The following GNG2 variants were observed in gnomAD, a reference collection of about 807,000 sequenced individuals.
The protein encoded by GNG2 is guanine nucleotide-binding protein G(I)/G(S)/G(O) subunit gamma-2.
GNG2 carries 5 observed loss-of-function variants against 5.5 expected under a neutral mutation model. That is an observed-to-expected ratio of 0.91 (90% CI 0.48 to 1.92). GNG2 has a LOEUF of 1.92. Among genes scored for constraint, GNG2 ranks in the 30% most tolerant of loss-of-function variants. The pLI, the probability that GNG2 is intolerant of heterozygous loss-of-function variation, is 0.01. For synonymous variants in GNG2, 28 were observed against 32.0 expected, an observed-to-expected ratio of 0.88 and a Z score of 0.42; for missense variants, 55 against 88.4, an observed-to-expected ratio of 0.62 and a Z score of 1.52.
intron 2 of GNG2, among the ~76,000 whole-genome samples, chr14:51,841,036 A>G (rs1202736318): frequency 6.6e-6 from 1 of 152,190 alleles, no homozygotes; most frequent in Admixed American, 6.5e-5. Context: ...GTGACCACAA[A>G]TGCATAATAT....
Position 51,866,176 on chromosome 14 carries a change from T to A in GNG2, c.-71+5386T>A, listed in dbSNP as rs10151619. Among the ~76,000 whole-genome samples the A allele has an allele frequency of 3.7e-3, 565 of 152,284 alleles. 2 individuals are homozygous for A. The highest frequency in any genetic ancestry group is 0.013 in the African/African-American group (541 of 41,566). The stretch of plus-strand genomic sequence containing the variant: ...CCTTGCTCCCTGGCCAGCCCGGGTG[T>A]GGGGTCAGGCATTCCCCTGATCCTC... On this transcript the variant is annotated intron_variant, in intron 1 of 3. Transcript: ENST00000556766.
At chr14:51,940,686 A>C (rs1272523520) in intron 2 of GNG2, among the ~76,000 whole-genome samples, 1 of 152,204 alleles carries the variant, frequency 6.6e-6, no homozygotes, top group Admixed American at 6.5e-5. Flanking sequence ...AGAGAAAAGC[A>C]GTAAGTGTCC....
rs76605251 is a variant in GNG2, at chr14:51,933,066, G to T, written c.-29-17584G>T. Among the ~76,000 whole-genome samples, 512 of 152,304 alleles carry T rather than the reference G, an allele frequency of 3.4e-3. 2 individuals carry two copies. The highest frequency in any genetic ancestry group is 7.3e-3 in the African/African-American group (302 of 41,566). ...TCAGAAGCTGGAAGAGGCAAGAAAT[G>T]GACTCTTCCCTAGAGCCTCTGGCAG... On this transcript the variant is annotated intron_variant, in intron 2 of 3. Coordinates refer to ENST00000556766, the MANE Select transcript of GNG2 (RefSeq NM_053064.5).
chr14:51,954,640 G>A (rs2140292179), intron 3 of GNG2, among the ~76,000 whole-genome samples: 1 of 152,324 alleles, frequency 6.6e-6, no homozygotes, highest in African/African-American at 2.4e-5. Context: ...GGCAGTGGAA[G>A]TGAGAACTGG....
At chr14:51,838,994 G>C (rs1004508805) in intron 2 of GNG2, among the ~76,000 whole-genome samples, 5 of 152,180 alleles carry the variant, frequency 3.3e-5, no homozygotes, top group African/African-American at 1.2e-4. Context: ...AGTGTGCTAA[G>C]TCAAATAACT....
chr14:51,953,289 T>G (rs1889093705), intron 3 of GNG2, among the ~76,000 whole-genome samples: 1 of 152,186 alleles, frequency 6.6e-6, no homozygotes, highest in Non-Finnish European at 1.5e-5. Context: ...GCTTGTTAGG[T>G]TCTAAAGAGA....
chr14:51,965,934 C>G (rs1481311251), intron 3 of GNG2, among the ~76,000 whole-genome samples: 1 of 152,010 alleles, frequency 6.6e-6, no homozygotes, highest in East Asian at 1.9e-4. Flanking sequence ...GAGGGCCGGG[C>G]ACAGTGGCTC....
intron 2 of GNG2, among the ~76,000 whole-genome samples, chr14:51,928,474 A>T (rs574686484): frequency 6.6e-6 from 1 of 152,342 alleles, no homozygotes; most frequent in African/African-American, 2.4e-5. Context: ...AACTGGCATC[A>T]GAGCAGCCTG....
intron 3 of GNG2, among the ~76,000 whole-genome samples, chr14:51,953,541 C>T (rs1594956099): frequency 6.6e-6 from 1 of 152,172 alleles, no homozygotes; most frequent in African/African-American, 2.4e-5. Context: ...TAGTTGCCTT[C>T]CTAGGTGATC....
intron 2 of GNG2, among the ~76,000 whole-genome samples, chr14:51,889,109 CTTTTTTTTTTT>C (rs1173479215): frequency 2.5e-5 from 3 of 118,938 alleles, no homozygotes; most frequent in African/African-American, 6.2e-5. Context: ...TGGGTTTGCG[CTTTTTTTTTTT>C]TTTTTTTTTT....
chr14:51,840,656 T>C (rs1468457355), intron 2 of GNG2, among the ~76,000 whole-genome samples: 1 of 152,246 alleles, frequency 6.6e-6, no homozygotes, highest in African/African-American at 2.4e-5. Flanking sequence ...TAAGGTGGTT[T>C]TGGACTCAGT....
At chr14:51,960,002 T>C (rs1889499438) in intron 3 of GNG2, among the ~76,000 whole-genome samples, 1 of 152,158 alleles carries the variant, frequency 6.6e-6, no homozygotes, top group South Asian at 2.1e-4. Flanking sequence ...CTTGAGTTAC[T>C]TGAACCTGTG....
rs144706627 is a variant in GNG2 at position 51,894,198 on chromosome 14, G to A, written c.-30+16541G>A. Among the ~76,000 whole-genome samples, 137 of 151,964 alleles carry A rather than the reference G, an allele frequency of 9.0e-4. 1 individual carries two copies. Among genetic ancestry groups the A allele is most frequent in the African/African-American group, 3.2e-3 (132 of 41,462 alleles). On this transcript the variant is annotated intron_variant, in intron 2 of 3. Transcript: ENST00000556766. ...TGGAAAGGACTTTTTTATATTTTGC[G>A]GTTTCCATCTGGAAAACATGCTTCT...
At chr14:51,889,548 A>G (rs1884708512) in intron 2 of GNG2, among the ~76,000 whole-genome samples, 1 of 152,194 alleles carries the variant, frequency 6.6e-6, no homozygotes, top group Non-Finnish European at 1.5e-5. Context: ...ATATCAGTAA[A>G]ACTGTTATTT....
upstream of GNG2, among the ~76,000 whole-genome samples, chr14:51,856,419 T>A (rs1882159863): frequency 6.6e-6 from 1 of 152,188 alleles, no homozygotes; most frequent in Admixed American, 6.5e-5. Context: ...GCTTTCTTTT[T>A]AATATTTCTT....
rs1370410276 is a variant in GNG2 at position 51,935,021 on chromosome 14, C to CTTTTTTTTTTTTT, written c.-29-15626_-29-15625insTTTTTTTTTTTTT. Among the ~76,000 whole-genome samples, 4 of 111,302 alleles carry CTTTTTTTTTTTTT rather than the reference C, an allele frequency of 3.6e-5. 2 individuals are homozygous for CTTTTTTTTTTTTT. Among genetic ancestry groups the CTTTTTTTTTTTTT allele is most frequent in the Non-Finnish European group, 3.7e-5 (2 of 54,184 alleles). The allele number at this position is 111,302 out of a possible 152,430, so 73.0% of individuals were successfully genotyped here. On this transcript the variant is annotated intron_variant, in intron 2 of 3. Coordinates refer to ENST00000556766, the MANE Select transcript of GNG2 (RefSeq NM_053064.5). ...ATAGGTGGAAATTCCAGCCCAGTTT[C>CTTTTTTTTTTTTT]TTTCTTTTTTTTTTTTTTTTGGAGA...
chr14:51,925,003 A>T (rs1887222957), intron 2 of GNG2, among the ~76,000 whole-genome samples: 1 of 152,220 alleles, frequency 6.6e-6, no homozygotes, highest in South Asian at 2.1e-4. Flanking sequence ...TTTATAAAGG[A>T]TTCAAAATCA....
intron 2 of GNG2, among the ~76,000 whole-genome samples, chr14:51,915,944 A>G (rs1332428521): frequency 1.3e-5 from 2 of 152,156 alleles, no homozygotes; most frequent in African/African-American, 4.8e-5. Context: ...TGTGAGTTAA[A>G]CCTGTAATAA....
intron 2 of GNG2, among the ~76,000 whole-genome samples, chr14:51,915,415 A>G (rs190306350): frequency 6.6e-5 from 10 of 152,312 alleles, no homozygotes; most frequent in Non-Finnish European, 1.3e-4. Flanking sequence ...CCTAAATAGG[A>G]TGAATGGAAC....
Sources: gnomAD v4.1 joint callset for allele counts (sites outside exome capture counted in the v4.1 genomes callset) on GRCh38, gnomAD v4.1.1 for gene constraint, MANE v1.5 for transcripts, NCBI Gene and HGNC (gene_info 2026-07-23, HGNC 2026-07-21) for gene names.